The following DNAJC2 variants were observed in gnomAD, a reference collection of about 807,000 sequenced individuals.
DNAJC2 encodes the protein dnaJ homolog subfamily C member 2.
A neutral mutation model predicts 94.0 loss-of-function variants in DNAJC2; 32 were observed. That is an observed-to-expected ratio of 0.34 (90% CI 0.26 to 0.46). The LOEUF (loss-of-function observed/expected upper bound fraction) is 0.46. Ranked by LOEUF, DNAJC2 falls within the 20% of genes least tolerant of loss-of-function variation. DNAJC2 has a pLI of 1.00. For synonymous variants in DNAJC2, 210 were observed against 229.7 expected, an observed-to-expected ratio of 0.91 and a Z score of 0.77; for missense variants, 550 against 719.5, an observed-to-expected ratio of 0.76 and a Z score of 2.69.
At chr7:103,315,535 A>C (rs1223587217) in intron 15 of DNAJC2, among the ~76,000 whole-genome samples, 4 of 152,182 alleles carry the variant, frequency 2.6e-5, no homozygotes, top group Non-Finnish European at 5.9e-5. Flanking sequence ...CCTGGTAAGC[A>C]AAACAAACAG....
Position 103,322,751 on chromosome 7 carries a change from T to C in DNAJC2, c.763A>G (p.Arg255Gly). 6.2e-7 allele frequency: 1 copy of C among 1,609,502 alleles called. No individual in the cohort carries two copies. Among genetic ancestry groups the C allele is most frequent in the Non-Finnish European group, 8.5e-7 (1 of 1,179,750 alleles). ...RWIEKQNRAT[R>G]AQRKKEEMNR... ...ATTTCTTCTTTTTTTCTTTGTGCTCTTGTTGCTCTGTTCTGCTTTTCAATC... is the reference window on the plus strand; with the variant it reads ...ATTTCTTCTTTTTTTCTTTGTGCTCCTGTTGCTCTGTTCTGCTTTTCAATC... The change falls in exon 8 of 17, where the codon AGA (arginine) becomes GGA (glycine). Residue 255 changes from arginine (R) to glycine (G), a missense_variant. Physicochemically the swap from Arg to Gly is moderately radical, Grantham distance 125 (BLOSUM62 -2). This residue lies in a region of DNAJC2 where 279 missense variants were observed against 416.9 expected (regional missense o/e 0.67). Transcript: ENST00000379263.
At chr7:103,329,597 A>G (rs1199130676) in intron 3 of DNAJC2, 1 of 152,130 alleles carries the variant, frequency 6.6e-6, no homozygotes, top group Non-Finnish European at 1.5e-5. Context: ...TGGAATTTTA[A>G]TATAGTCAAG....
At chr7:103,337,998 G>A (rs1819241148) in intron 2 of DNAJC2, among the ~76,000 whole-genome samples, 187 bp from the exon 3 acceptor site, 1 of 152,192 alleles carries the variant, frequency 6.6e-6, no homozygotes, top group Non-Finnish European at 1.5e-5. Flanking sequence ...TGGGTGCCAT[G>A]GTTCATGCCT....
intron 10 of DNAJC2, chr7:103,320,880 AT>A (rs1199198974): frequency 1.4e-5 from 2 of 138,300 alleles, no homozygotes; most frequent in Non-Finnish European, 2.7e-5. Context: ...GTTTAGTTAC[AT>A]TTGCATAGTA....
At chr7:103,323,225 C>T (rs532674732) in intron 7 of DNAJC2, among the ~76,000 whole-genome samples, 28 of 152,226 alleles carry the variant, frequency 1.8e-4, no homozygotes, top group South Asian at 1.2e-3. Context: ...CCAGCACGCC[C>T]GGCCTAAACA....
At chr7:103,330,750 CT>C (rs112547436) in intron 3 of DNAJC2, among the ~76,000 whole-genome samples, 32,168 of 143,558 alleles carry the variant, frequency 0.22, 5,183 homozygotes, top group African/African-American at 0.47. Context: ...ACACCCAGCT[CT>C]TTTTTTTTTT....
intron 16 of DNAJC2, 65 bp downstream of exon 16, chr7:103,312,882 T>C: frequency 6.4e-7 from 1 of 1,559,680 alleles, no homozygotes; most frequent in Non-Finnish European, 8.6e-7. Context: ...AGACATAAAA[T>C]ATGAGCTATA....
intron 2 of DNAJC2, 89 bp downstream of exon 2, chr7:103,341,675 A>T: frequency 1.8e-6 from 2 of 1,122,684 alleles, no homozygotes; most frequent in Non-Finnish European, 2.5e-6. Context: ...GAATCATCTT[A>T]AAACATGTTT....
chr7:103,344,414 A>G (rs1819516031), intron 1 of DNAJC2, 145 bp downstream of exon 1: 1 of 821,036 alleles, frequency 1.2e-6, no homozygotes, highest in Non-Finnish European at 2.0e-6. Flanking sequence ...TAAAACACGG[A>G]GCAAAAAGGC....
chr7:103,338,267 C>CTTTT (rs528754279), intron 2 of DNAJC2, among the ~76,000 whole-genome samples: 1 of 124,124 alleles, frequency 8.1e-6, no homozygotes, highest in South Asian at 2.7e-4. Flanking sequence ...AAGACCCTGT[C>CTTTT]TTTTTTTTTT....
intron 4 of DNAJC2, 74 bp downstream of exon 4, chr7:103,327,582 T>A: frequency 4.0e-6 from 4 of 1,006,416 alleles, no homozygotes; most frequent in Non-Finnish European, 6.0e-6. Context: ...ACAGTATGCA[T>A]AAGAAACCCA....
intron 6 of DNAJC2, among the ~76,000 whole-genome samples, chr7:103,324,264 C>T (rs1679041893): frequency 3.9e-5 from 6 of 152,126 alleles, no homozygotes; most frequent in African/African-American, 2.4e-5. Flanking sequence ...AATGACTCCC[C>T]AATTTTCATT....
chr7:103,341,808 C>T lies in DNAJC2; in HGVS notation c.211G>A (p.Glu71Lys). 6.2e-7 allele frequency: 1 copy of T among 1,607,476 alleles called. No individual in the cohort carries two copies. Among genetic ancestry groups the T allele is most frequent in the Non-Finnish European group, 8.5e-7 (1 of 1,177,674 alleles). ...AGTGTTTTCAGCATGGGAAACTCTT[C>T]CAACTGCAATTCTTCATCTTCTGAT... ...EESEDEELQL[E>K]EFPMLKTLDP... Residue 71 changes from glutamate to lysine, a missense_variant, in exon 2 of 17, where the codon GAA becomes AAA. By Grantham distance (56) the Glu-to-Lys change is moderately conservative (BLOSUM62 1). Transcript: ENST00000379263.
At chr7:103,324,372 G>A in intron 6 of DNAJC2, 110 bp downstream of exon 6, 3 of 968,596 alleles carry the variant, frequency 3.1e-6, no homozygotes, top group Middle Eastern at 4.6e-4. Context: ...TTTGTTCAGT[G>A]AAGGTTCTGC....
chr7:103,331,466 T>C lies in DNAJC2; in HGVS notation c.332-3712A>G, dbSNP rs74805229. On this transcript the variant is annotated intron_variant, in intron 3 of 16. Transcript: ENST00000379263. The stretch of plus-strand genomic sequence containing the variant: ...GAACACTGGGACTTATTCCTTCTAA[T>C]TGTATGTTTGTATCCATTGACCAAC... 3.8e-3 allele frequency among the ~76,000 whole-genome samples: 574 copies of C among 152,330 alleles called. 4 individuals carry two copies. Among genetic ancestry groups the C allele is most frequent in the African/African-American group, 0.014 (564 of 41,578 alleles).
At chr7:103,333,295 A>G (rs1819044997) in intron 3 of DNAJC2, among the ~76,000 whole-genome samples, 1 of 152,216 alleles carries the variant, frequency 6.6e-6, no homozygotes, top group African/African-American at 2.4e-5. Context: ...CTCTTTTGAA[A>G]AAAGTAACAG....
intron 3 of DNAJC2, among the ~76,000 whole-genome samples, chr7:103,332,262 C>T (rs1819008186): frequency 6.6e-6 from 1 of 152,190 alleles, no homozygotes; most frequent in South Asian, 2.1e-4. Context: ...GCCTTGGCCT[C>T]CCAAAGTGCT....
intron 15 of DNAJC2, chr7:103,314,055 C>G: frequency 1.2e-5 from 12 of 985,350 alleles, no homozygotes; most frequent in Non-Finnish European, 1.4e-5. Context: ...AAAACCACCA[C>G]CTATTCAAAA....
At chr7:103,322,662 G>A (rs745463348) in intron 8 of DNAJC2, 30 bp from the exon 9 acceptor site, 3 of 1,612,546 alleles carry the variant, frequency 1.9e-6, no homozygotes, top group Non-Finnish European at 2.5e-6. Flanking sequence ...ATCTCATTTT[G>A]AATTTCTAAC....
Sources: allele counts gnomAD v4.1 joint callset (sites outside exome capture counted in the v4.1 genomes callset), GRCh38; gene constraint gnomAD v4.1.1; regional missense constraint gnomAD v4.1.1; transcripts MANE v1.5; gene names NCBI Gene and HGNC (gene_info 2026-07-23, HGNC 2026-07-21).